Variants in EIF4G3 observed in about 807,000 individuals in gnomAD.
EIF4G3 encodes the protein eIF-4-gamma 3.
A neutral mutation model predicts 186.4 loss-of-function variants in EIF4G3; 34 were observed. The observed-to-expected ratio is 0.18, with a 90% confidence interval of 0.14 to 0.24. EIF4G3 has a LOEUF of 0.24. Among genes scored for constraint, EIF4G3 ranks in the 10% least tolerant of loss-of-function variants. The pLI, the probability that EIF4G3 is intolerant of heterozygous loss-of-function variation, is 1.00. For missense variants in EIF4G3, 1,536 were observed against 1,948.5 expected, an observed-to-expected ratio of 0.79 and a Z score of 3.99; for synonymous variants, 673 against 679.5, an observed-to-expected ratio of 0.99 and a Z score of 0.15.
chr1:21,118,587 A>G (rs985847626), intron 2 of EIF4G3, among the ~76,000 whole-genome samples: 3 of 152,108 alleles, frequency 2.0e-5, no homozygotes, highest in African/African-American at 4.8e-5. Flanking sequence ...GGAGCTTGAG[A>G]CCAGCCTAGC....
At chr1:21,097,537 G>T (rs10799682) in intron 2 of EIF4G3, among the ~76,000 whole-genome samples, 2 of 151,952 alleles carry the variant, frequency 1.3e-5, no homozygotes, top group African/African-American at 2.4e-5. Flanking sequence ...CCAAAAGGAA[G>T]GGGGCATTAG....
chr1:21,101,123 G>A (rs1370461285), intron 2 of EIF4G3, among the ~76,000 whole-genome samples: 1 of 152,142 alleles, frequency 6.6e-6, no homozygotes, highest in East Asian at 1.9e-4. Flanking sequence ...ATAAAAAAGA[G>A]ATCAAAGTTT....
intron 4 of EIF4G3, among the ~76,000 whole-genome samples, chr1:21,032,938 A>G (rs1035934912): frequency 6.6e-6 from 1 of 152,238 alleles, no homozygotes; most frequent in African/African-American, 2.4e-5. Flanking sequence ...TCCCAAATCC[A>G]TCATAATACA....
intron 13 of EIF4G3, among the ~76,000 whole-genome samples, chr1:20,948,481 T>C (rs1017915005): frequency 5.9e-5 from 9 of 152,126 alleles, no homozygotes; most frequent in Non-Finnish European, 1.3e-4. Flanking sequence ...AAATACAGTA[T>C]AGGACCTGTC....
chr1:20,911,991 T>C (rs951374350), intron 14 of EIF4G3, among the ~76,000 whole-genome samples: 8 of 152,170 alleles, frequency 5.3e-5, no homozygotes, highest in Non-Finnish European at 1.0e-4. Context: ...AGTGAGGCTC[T>C]GTCTCTAAAA....
intron 12 of EIF4G3, among the ~76,000 whole-genome samples, chr1:20,954,695 C>T (rs2096353403): frequency 1.3e-5 from 2 of 152,072 alleles, no homozygotes; most frequent in South Asian, 4.1e-4. Flanking sequence ...TGATGTTTAA[C>T]TTGTACAAAA....
At chr1:21,119,960 T>TGAC (rs2096897712) in intron 2 of EIF4G3, among the ~76,000 whole-genome samples, 1 of 151,932 alleles carries the variant, frequency 6.6e-6, no homozygotes, top group Admixed American at 6.6e-5. Context: ...ATGTCAGCTC[T>TGAC]ATAGGTATAA....
intron 4 of EIF4G3, among the ~76,000 whole-genome samples, chr1:21,006,294 A>G (rs917741160): frequency 6.6e-6 from 1 of 152,218 alleles, no homozygotes; most frequent in African/African-American, 2.4e-5. Flanking sequence ...GTGGGAACAT[A>G]CTTTGACCAT....
At chr1:20,877,356 C>A (rs896301395) in intron 20 of EIF4G3, among the ~76,000 whole-genome samples, 1 of 152,160 alleles carries the variant, frequency 6.6e-6, no homozygotes, top group South Asian at 2.1e-4. Flanking sequence ...GTTAAATAAT[C>A]CCTGATTTGA....
At chr1:21,111,281 G>C in intron 2 of EIF4G3, 1 of 470,942 alleles carries the variant, frequency 2.1e-6, no homozygotes, top group South Asian at 1.5e-5. Context: ...AGCTGGAAAA[G>C]ACAAAAATTT....
intron 3 of EIF4G3, among the ~76,000 whole-genome samples, chr1:21,056,391 T>A (rs781239516): frequency 6.6e-6 from 1 of 152,208 alleles, no homozygotes; most frequent in Non-Finnish European, 1.5e-5. Flanking sequence ...CTATTACATA[T>A]GTCACACTGC....
chr1:20,904,382 G>A (rs560618192), intron 15 of EIF4G3, among the ~76,000 whole-genome samples: 25 of 152,284 alleles, frequency 1.6e-4, no homozygotes, highest in African/African-American at 6.0e-4. Flanking sequence ...GTTTCACTGT[G>A]TTGCCCAGGC....
At chr1:20,914,265 G>A (rs1297620435) in intron 14 of EIF4G3, among the ~76,000 whole-genome samples, 2 of 152,038 alleles carry the variant, frequency 1.3e-5, no homozygotes, top group Non-Finnish European at 2.9e-5. Context: ...TGGCAAAACT[G>A]ACTTTACAAA....
At chr1:20,826,014 C>T (rs2063522836) in intron 32 of EIF4G3, among the ~76,000 whole-genome samples, 1 of 152,202 alleles carries the variant, frequency 6.6e-6, no homozygotes, top group Admixed American at 6.5e-5. Flanking sequence ...CATAGAGTAA[C>T]TTGTCCAAGG....
intron 9 of EIF4G3, among the ~76,000 whole-genome samples, chr1:20,980,761 C>T (rs1365685048): frequency 6.6e-6 from 1 of 152,150 alleles, no homozygotes; most frequent in Non-Finnish European, 1.5e-5. Context: ...TCAGGAACAG[C>T]ATAATCACTG....
chr1:20,930,010 G>A (rs933560274), intron 14 of EIF4G3, among the ~76,000 whole-genome samples: 5 of 152,114 alleles, frequency 3.3e-5, no homozygotes, highest in Admixed American at 6.5e-5. Context: ...TTCCCAGTGC[G>A]TATAAAAGTT....
At chr1:20,921,473 C>T (rs376101373) in intron 14 of EIF4G3, among the ~76,000 whole-genome samples, 4 of 152,176 alleles carry the variant, frequency 2.6e-5, no homozygotes, top group Middle Eastern at 3.4e-3. Context: ...TTGACCATTC[C>T]GAAAGAACAG....
Position 20,853,676 on chromosome 1 carries a change from A to T in EIF4G3, c.3435T>A (p.Asp1145Glu). The change falls in exon 27 of 37, where the codon GAT becomes GAA. Residue 1145 changes from aspartate to glutamate, a missense_variant and splice_region_variant. Coordinates refer to ENST00000602326, the MANE Select transcript of EIF4G3 (RefSeq NM_001391906.1). ...AACTGGAAGCACTTGACCGTAAGGC[A>T]TCTACACATGTCGAGGATTTAGAAA... Reference protein sequence around the residue: ...SSGGAKASETDALRSSASSLN... With the variant: ...SSGGAKASETEALRSSASSLN... 1 of 1,607,622 alleles carries T rather than the reference A, an allele frequency of 6.2e-7. No homozygotes were observed. The highest frequency in any genetic ancestry group is 8.5e-7 in the Non-Finnish European group (1 of 1,174,374).
chr1:21,024,105 C>T (rs1449174525), intron 4 of EIF4G3, among the ~76,000 whole-genome samples: 3 of 151,794 alleles, frequency 2.0e-5, no homozygotes, highest in African/African-American at 4.8e-5. Context: ...CGCCCAGCAG[C>T]CACCCCATCT....
Sources: allele counts gnomAD v4.1 joint callset (sites outside exome capture counted in the v4.1 genomes callset), GRCh38; gene constraint gnomAD v4.1.1; transcripts MANE v1.5; gene names NCBI Gene and HGNC (gene_info 2026-07-23, HGNC 2026-07-21).